SENP5: variants seen among roughly 807,000 people sequenced by gnomAD.
SENP5 encodes sentrin-specific protease 5.
Under a neutral mutation model 74.2 loss-of-function variants are expected in SENP5, and 21 were observed. That is an observed-to-expected ratio of 0.28 (90% CI 0.20 to 0.41). SENP5 has a LOEUF of 0.41. Ranked by LOEUF, SENP5 falls within the 10% of genes least tolerant of loss-of-function variation. The pLI is 1.00. For missense variants in SENP5, 717 were observed against 889.1 expected (o/e 0.81, Z 2.46); for synonymous variants, 311 against 312.7 (o/e 0.99, Z 0.06).
At chr3:196,916,141 A>G (rs1391311909) in intron 6 of SENP5, among the ~76,000 whole-genome samples, 2 of 152,052 alleles carry the variant, frequency 1.3e-5, no homozygotes, top group Admixed American at 6.6e-5. Flanking sequence ...CCTGGCCAAC[A>G]TGGTAAAACC....
chr3:196,877,476 T>C (rs919258951), intron 1 of SENP5, among the ~76,000 whole-genome samples: 16 of 152,212 alleles, frequency 1.1e-4, no homozygotes, highest in Admixed American at 2.0e-4. Context: ...TGCGCCACCG[T>C]GCCCGGCCAC....
chr3:196,875,944 G>C (rs1386939089), intron 1 of SENP5, among the ~76,000 whole-genome samples: 1 of 152,056 alleles, frequency 6.6e-6, no homozygotes, highest in African/African-American at 2.4e-5. Flanking sequence ...AGGTGATCTT[G>C]AAATCCTGGG....
At chr3:196,890,874 C>A (rs899632363) in intron 2 of SENP5, among the ~76,000 whole-genome samples, 3 of 152,102 alleles carry the variant, frequency 2.0e-5, no homozygotes, top group Admixed American at 2.0e-4. Flanking sequence ...ATAGCACATC[C>A]AAGAGAAATA....
In SENP5 at chr3:196,926,974, G is replaced by T. The variant is rs557580893; in HGVS notation, c.2023-822G>T. Reference sequence around the variant, plus strand: ...CCACTTTTGTTGGGGGGTGGGGTGGGTTATTCACATAACCTCTGACTTCAC... The same window carrying T: ...CCACTTTTGTTGGGGGGTGGGGTGGTTTATTCACATAACCTCTGACTTCAC... On this transcript the variant is annotated intron_variant, in intron 7 of 9. Coordinates refer to ENST00000323460, the MANE Select transcript of SENP5 (RefSeq NM_152699.5). Among the ~76,000 whole-genome samples, 4 of 152,170 alleles carry T rather than the reference G, an allele frequency of 2.6e-5. No homozygotes were observed. The East Asian group carries it at 7.7e-4, about 29-fold the overall frequency.
At chr3:196,913,347 A>T (rs1158441889) in intron 6 of SENP5, 1 of 152,044 alleles carries the variant, frequency 6.6e-6, no homozygotes. Flanking sequence ...AGGCAGGTGA[A>T]TCATGGGGTC....
intron 2 of SENP5, among the ~76,000 whole-genome samples, chr3:196,892,537 A>T (rs1714255048): frequency 6.6e-6 from 1 of 152,224 alleles, no homozygotes; most frequent in Non-Finnish European, 1.5e-5. Flanking sequence ...GTAAATCAAG[A>T]TAATCAGCAT....
Position 196,893,323 on chromosome 3 carries a change from A to G in SENP5, c.1514-6343A>G, listed in dbSNP as rs77231655. On this transcript the variant is annotated intron_variant, in intron 2 of 9. Coordinates refer to ENST00000323460, the MANE Select transcript of SENP5 (RefSeq NM_152699.5). The stretch of plus-strand genomic sequence containing the variant: ...GCTCAGAAGCAATGAAAATATACCA[A>G]ATTGACTCTACAGACATTTAAATCT... Among the ~76,000 whole-genome samples the G allele has an allele frequency of 5.5e-3, 837 of 152,292 alleles. 1 individual carries two copies. The highest frequency in any genetic ancestry group is 0.019 in the African/African-American group (789 of 41,546).
intron 6 of SENP5, among the ~76,000 whole-genome samples, chr3:196,919,026 A>G (rs138836432): frequency 2.3e-3 from 349 of 152,344 alleles, no homozygotes; most frequent in African/African-American, 8.1e-3. Flanking sequence ...ACACTGGAGC[A>G]CCCAGATATA....
intron 8 of SENP5, 35 bp from the exon 9 acceptor site, chr3:196,929,598 T>A (rs372197571): frequency 1.3e-5 from 18 of 1,387,150 alleles, no homozygotes; most frequent in Non-Finnish European, 1.6e-5. Context: ...AAGTAATGGA[T>A]CTTGTTTTAA....
At chr3:196,900,162 G>A in intron 4 of SENP5, 100 bp downstream of exon 4, 1 of 1,450,046 alleles carries the variant, frequency 6.9e-7, no homozygotes, top group South Asian at 1.4e-5. Context: ...TTTGGAATAA[G>A]GATTCTTCAT....
chr3:196,899,885 GT>G (rs540175437), intron 3 of SENP5, 38 bp from the exon 4 acceptor site: 3 of 1,603,600 alleles, frequency 1.9e-6, no homozygotes, highest in South Asian at 2.2e-5. Context: ...AAGTACTCAT[GT>G]TTTTTTTACC....
At chr3:196,884,187 G>C (rs1274054166) in intron 1 of SENP5, among the ~76,000 whole-genome samples, 1 of 152,178 alleles carries the variant, frequency 6.6e-6, no homozygotes, top group African/African-American at 2.4e-5. Flanking sequence ...TACATGTGAG[G>C]TCAGCATCTC....
intron 7 of SENP5, among the ~76,000 whole-genome samples, chr3:196,925,884 G>T (rs1715793773): frequency 6.6e-6 from 1 of 152,188 alleles, no homozygotes; most frequent in Non-Finnish European, 1.5e-5. Context: ...GTGATAGCTA[G>T]AAGTCATTTA....
intron 6 of SENP5, among the ~76,000 whole-genome samples, chr3:196,906,037 T>A (rs1714889257): frequency 6.6e-6 from 1 of 152,080 alleles, no homozygotes; most frequent in Non-Finnish European, 1.5e-5. Context: ...CTGGCCAACA[T>A]GGTGGAACCC....
chr3:196,917,219 C>G (rs1377218098), intron 6 of SENP5, among the ~76,000 whole-genome samples: 2 of 151,870 alleles, frequency 1.3e-5, no homozygotes, highest in Non-Finnish European at 2.9e-5. Context: ...ATCAGAATCT[C>G]TCAACAGCAA....
chr3:196,904,535 C>T (rs986188278), intron 6 of SENP5, among the ~76,000 whole-genome samples: 3 of 152,160 alleles, frequency 2.0e-5, no homozygotes, highest in African/African-American at 7.2e-5. Flanking sequence ...CGCCTGTAAT[C>T]CCAGCACTTT....
chr3:196,913,015 A>G (rs1202359504), intron 6 of SENP5: 1 of 152,254 alleles, frequency 6.6e-6, no homozygotes, highest in Non-Finnish European at 1.5e-5. Flanking sequence ...AGATTTCAAT[A>G]TAAAGGAGAT....
rs1280953626 is a variant in SENP5 at position 196,885,913 on chromosome 3, G to A, written c.732G>A (p.Arg244=). Residue 244 remains arginine, a synonymous_variant, in exon 2 of 10, where the codon AGG becomes AGA. Coordinates refer to ENST00000323460, the MANE Select transcript of SENP5 (RefSeq NM_152699.5). Reference sequence around the variant, plus strand: ...TATCCATGATTAGATTTCGGTACAGGATTCTCAGATCCCAGCACTTCAGAA... The same window carrying A: ...TATCCATGATTAGATTTCGGTACAGAATTCTCAGATCCCAGCACTTCAGAA... The part of the protein sequence containing the change: ...EKLSMIRFRY[R]ILRSQHFRTK... 6.2e-7 allele frequency: 1 copy of A among 1,613,844 alleles called. No individual in the cohort carries two copies. The highest frequency in any genetic ancestry group is 1.1e-5 in the South Asian group (1 of 91,054).
chr3:196,868,294 G>C (rs1302544355), intron 1 of SENP5, among the ~76,000 whole-genome samples: 1 of 152,250 alleles, frequency 6.6e-6, no homozygotes, highest in Admixed American at 6.5e-5. Context: ...CTGCGCTCTC[G>C]CTCCAGCCGG....
Sources: gnomAD v4.1 joint callset for allele counts (sites outside exome capture counted in the v4.1 genomes callset) on GRCh38, gnomAD v4.1.1 for gene constraint, MANE v1.5 for transcripts, NCBI Gene and HGNC (gene_info 2026-07-23, HGNC 2026-07-21) for gene names.